Variants in NUBPL observed in about 807,000 individuals in gnomAD.
NUBPL encodes the protein NUBP iron-sulfur cluster assembly factor, mitochondrial.
A neutral mutation model predicts 45.7 loss-of-function variants in NUBPL; 31 were observed. That is an observed-to-expected ratio of 0.68 (90% CI 0.51 to 0.92). NUBPL has a LOEUF of 0.92. Ranked by LOEUF, NUBPL falls within the 40% of genes least tolerant of loss-of-function variation. The pLI is 0.00. For missense variants in NUBPL, 401 were observed against 398.7 expected (o/e 1.01, Z -0.05); for synonymous variants, 144 against 140.9 (o/e 1.02, Z -0.15).
rs111888277 is a variant in NUBPL, at chr14:31,791,905, C to T, written c.607+4032C>T. Among the ~76,000 whole-genome samples the T allele has an allele frequency of 1.5e-4, 23 of 152,220 alleles. No homozygotes were observed. The East Asian group carries it at 2.1e-3, about 14-fold the overall frequency. The stretch of plus-strand genomic sequence containing the variant: ...TAGATTTCTGTATGAAATGGTACCG[C>T]GGCGATTGCCTGTTAATAATAAACT... On this transcript the variant is annotated intron_variant, in intron 7 of 10. Transcript: ENST00000281081.
At chr14:31,570,164 T>C (rs1186406839) in intron 3 of NUBPL, among the ~76,000 whole-genome samples, 1 of 152,216 alleles carries the variant, frequency 6.6e-6, no homozygotes, top group African/African-American at 2.4e-5. Context: ...TAAGATTACA[T>C]TCACAAATGT....
At chr14:31,721,446 AT>A (rs1247068075) in intron 6 of NUBPL, among the ~76,000 whole-genome samples, 1 of 151,954 alleles carries the variant, frequency 6.6e-6, no homozygotes, top group African/African-American at 2.4e-5. Flanking sequence ...TATGGCTGAA[AT>A]TTTCACTGCT....
intron 7 of NUBPL, among the ~76,000 whole-genome samples, chr14:31,803,156 T>C (rs942326907): frequency 2.0e-5 from 3 of 152,240 alleles, no homozygotes; most frequent in South Asian, 4.1e-4. Flanking sequence ...CAGAAACTTA[T>C]TGTTGCCAAG....
At chr14:31,616,368 T>C (rs973985607) in intron 4 of NUBPL, among the ~76,000 whole-genome samples, 11 of 152,232 alleles carry the variant, frequency 7.2e-5, no homozygotes, top group Non-Finnish European at 1.3e-4. Flanking sequence ...TGAATGGTAT[T>C]GCCTAGGTTT....
chr14:31,845,348 C>T (rs1330360566), intron 8 of NUBPL: 2 of 152,110 alleles, frequency 1.3e-5, no homozygotes, highest in African/African-American at 4.8e-5. Flanking sequence ...GTTTTCTCAA[C>T]CATAGAATGA....
chr14:31,653,005 A>G (rs1204977118), intron 4 of NUBPL, among the ~76,000 whole-genome samples: 1 of 152,206 alleles, frequency 6.6e-6, no homozygotes, highest in Non-Finnish European at 1.5e-5. Flanking sequence ...CCGCAAAACC[A>G]GCAGGTTTTT....
chr14:31,725,906 C>T (rs1595548467), intron 6 of NUBPL, among the ~76,000 whole-genome samples: 1 of 151,978 alleles, frequency 6.6e-6, no homozygotes, highest in East Asian at 1.9e-4. Context: ...GACGGGGTTT[C>T]ATCATGTTGG....
intron 6 of NUBPL, among the ~76,000 whole-genome samples, chr14:31,710,657 A>C (rs1164655305): frequency 6.6e-6 from 1 of 152,180 alleles, no homozygotes; most frequent in Non-Finnish European, 1.5e-5. Context: ...TCCTATAAAG[A>C]TGTTATGCCC....
chr14:31,738,389 C>G (rs2038207378), intron 6 of NUBPL, among the ~76,000 whole-genome samples: 2 of 152,140 alleles, frequency 1.3e-5, no homozygotes, highest in East Asian at 1.9e-4. Context: ...TTCCTTTTTG[C>G]AAACTAAGCT....
intron 6 of NUBPL, among the ~76,000 whole-genome samples, chr14:31,678,046 T>G (rs1212559981): frequency 1.3e-5 from 2 of 152,220 alleles, no homozygotes; most frequent in Non-Finnish European, 2.9e-5. Context: ...TTTCCTCTTC[T>G]TTCCACAGGC....
chr14:31,727,180 C>T (rs1369694297), intron 6 of NUBPL, among the ~76,000 whole-genome samples: 1 of 152,106 alleles, frequency 6.6e-6, no homozygotes, highest in Non-Finnish European at 1.5e-5. Context: ...GAACTGTGCA[C>T]TAGTATGAGC....
chr14:31,668,564 G>A (rs1054549070), intron 4 of NUBPL, among the ~76,000 whole-genome samples: 3 of 152,142 alleles, frequency 2.0e-5, no homozygotes, highest in Non-Finnish European at 4.4e-5. Context: ...GGGAGTGAAC[G>A]GTTCTGTCAC....
chr14:31,601,684 A>G (rs530806194), intron 4 of NUBPL, among the ~76,000 whole-genome samples: 9 of 152,342 alleles, frequency 5.9e-5, no homozygotes, highest in South Asian at 2.1e-4. Flanking sequence ...CAAAACCACA[A>G]TGAGATACCA....
At chr14:31,623,016 G>A (rs898958524) in intron 4 of NUBPL, among the ~76,000 whole-genome samples, 8 of 152,212 alleles carry the variant, frequency 5.3e-5, no homozygotes, top group African/African-American at 1.9e-4. Flanking sequence ...GCAGCCACAG[G>A]GGCTGTACTC....
At chr14:31,741,029 ATTAGAGCCC>A (rs2038272263) in intron 6 of NUBPL, among the ~76,000 whole-genome samples, 1 of 152,110 alleles carries the variant, frequency 6.6e-6, no homozygotes, top group African/African-American at 2.4e-5. Context: ...TACTTTGTCC[ATTAGAGCCC>A]TTAGCATATT....
intron 8 of NUBPL, among the ~76,000 whole-genome samples, chr14:31,838,544 TAGAA>T (rs2040320713): frequency 6.6e-6 from 1 of 152,164 alleles, no homozygotes; most frequent in Non-Finnish European, 1.5e-5. Context: ...TTTATGGTGT[TAGAA>T]AGCAGGTTAG....
chr14:31,771,209 C>T (rs1407367364), intron 6 of NUBPL, among the ~76,000 whole-genome samples: 2 of 151,986 alleles, frequency 1.3e-5, no homozygotes, highest in Non-Finnish European at 2.9e-5. Context: ...CTCTAGATTT[C>T]CATGGTAACT....
At chr14:31,726,328 G>C (rs1351390297) in intron 6 of NUBPL, among the ~76,000 whole-genome samples, 3 of 152,170 alleles carry the variant, frequency 2.0e-5, no homozygotes, top group Non-Finnish European at 4.4e-5. Context: ...AAGTATAAAG[G>C]GCTGTCATGT....
At chr14:31,841,241 A>G (rs2040364979) in intron 8 of NUBPL, among the ~76,000 whole-genome samples, 1 of 152,220 alleles carries the variant, frequency 6.6e-6, no homozygotes, top group African/African-American at 2.4e-5. Flanking sequence ...ATAAACATGT[A>G]TCAGTTTATG....
Sources: gnomAD v4.1 joint callset for allele counts (sites outside exome capture counted in the v4.1 genomes callset) on GRCh38, gnomAD v4.1.1 for gene constraint, MANE v1.5 for transcripts, NCBI Gene and HGNC (gene_info 2026-07-23, HGNC 2026-07-21) for gene names.